The following KANK1 variants were observed in gnomAD, a reference collection of about 807,000 sequenced individuals.
KANK1 encodes the protein KN motif and ankyrin repeat domain-containing protein 1.
Under a neutral mutation model 106.2 loss-of-function variants are expected in KANK1, and 109 were observed. That is an observed-to-expected ratio of 1.03 (90% CI 0.88 to 1.20). KANK1 has a LOEUF of 1.20. Among genes scored for constraint, KANK1 ranks in the 50% most tolerant of loss-of-function variants. The probability of loss-of-function intolerance (pLI) is 0.00; values close to 1 mark genes in which losing one functional copy is unlikely to be tolerated. For missense variants in KANK1, 2,399 were observed against 1,710.7 expected, an observed-to-expected ratio of 1.40 and a Z score of -7.10; for synonymous variants, 873 against 652.2, an observed-to-expected ratio of 1.34 and a Z score of -5.16.
At chr9:636,310 C>G (rs1474692985) in intron 1 of KANK1, among the ~76,000 whole-genome samples, 1 of 152,218 alleles carries the variant, frequency 6.6e-6, no homozygotes, top group Non-Finnish European at 1.5e-5. Context: ...CTTATCCAGA[C>G]TGCTGCCATA....
At chr9:601,840 A>C (rs1248217137) in intron 1 of KANK1, among the ~76,000 whole-genome samples, 1 of 151,794 alleles carries the variant, frequency 6.6e-6, no homozygotes, top group African/African-American at 2.4e-5. Flanking sequence ...TACTTTTGGA[A>C]TCAGTCACTT....
rs74458120 is a variant in KANK1 at position 731,212 on chromosome 9, A to T, written c.2951A>T (p.Asn984Ile). 91 of 1,612,446 alleles carry T rather than the reference A, an allele frequency of 5.6e-5. 1 individual carries two copies. In the Middle Eastern group the frequency reaches 6.4e-3, roughly 114 times the overall value. The change falls in exon 5 of 12, where the codon AAC becomes ATC. Residue 984 changes from asparagine (N) to isoleucine (I), a missense_variant. By Grantham distance (149) the Asn-to-Ile change is moderately radical. Transcript: ENST00000382297. ...TCCATCATGAAGAAGAAAGATGGTAACAAAGATTCAAATGGCGCAAAAAAG... is the reference window on the plus strand; with the variant it reads ...TCCATCATGAAGAAGAAAGATGGTATCAAAGATTCAAATGGCGCAAAAAAG... ...LKSIMKKKDG[N>I]KDSNGAKKNL...
In KANK1 at chr9:635,221, C is replaced by A. The variant is rs573155873; in HGVS notation, c.-83-41669C>A. Among the ~76,000 whole-genome samples, 107 of 152,268 alleles carry A rather than the reference C, an allele frequency of 7.0e-4. 2 individuals are homozygous for A. Among genetic ancestry groups the A allele is most frequent in the African/African-American group, 2.4e-3 (98 of 41,546 alleles). On this transcript the variant is annotated intron_variant, in intron 1 of 11. Transcript: ENST00000382297. The stretch of plus-strand genomic sequence containing the variant: ...GGTGACCCTAAAAAGTCTGTGCCTG[C>A]CTACCACCAAACCTGCTCTCTGCCC...
chr9:640,836 A>G (rs1175061362), intron 1 of KANK1, among the ~76,000 whole-genome samples: 3 of 151,488 alleles, frequency 2.0e-5, no homozygotes, highest in African/African-American at 7.3e-5. Flanking sequence ...AGCTGGACCT[A>G]CATGTGCCCG....
intron 3 of KANK1, chr9:478,073 TG>T: frequency 9.5e-6 from 2 of 210,642 alleles, no homozygotes; most frequent in South Asian, 7.5e-5. Flanking sequence ...CAGACTGAGG[TG>T]GTACTTTCTG....
chr9:507,750 G>C (rs1275760758), intron 1 of KANK1, among the ~76,000 whole-genome samples: 1 of 152,070 alleles, frequency 6.6e-6, no homozygotes, highest in Non-Finnish European at 1.5e-5. Flanking sequence ...TAGAGACAGG[G>C]TTTCACTATG....
chr9:574,251 G>GC (rs1819954848), intron 1 of KANK1, among the ~76,000 whole-genome samples: 1 of 152,230 alleles, frequency 6.6e-6, no homozygotes, highest in Non-Finnish European at 1.5e-5. Flanking sequence ...TGTTGAGTGG[G>GC]CAGGGCCCCA....
rs144933406 is a variant in KANK1, at chr9:658,209, T to C, written c.-83-18681T>C. Among the ~76,000 whole-genome samples, 57 of 152,284 alleles carry C rather than the reference T, an allele frequency of 3.7e-4. No individual in the cohort carries two copies. In the East Asian group the frequency reaches 0.011, roughly 29 times the overall value. ...GCCCAGAGCTGCCTCTCTTTAAAGA[T>C]AGTAAGAAGCCTATGCATAAACAAA... On this transcript the variant is annotated intron_variant, in intron 1 of 11. Transcript: ENST00000382297.
intron 3 of KANK1, among the ~76,000 whole-genome samples, chr9:725,545 AT>A (rs965017154): frequency 2.0e-5 from 3 of 151,672 alleles, no homozygotes; most frequent in Non-Finnish European, 2.9e-5. Context: ...CTTACATTGA[AT>A]TTTTTGCCAG....
intron 1 of KANK1, among the ~76,000 whole-genome samples, chr9:609,941 G>T (rs1012555937): frequency 6.6e-6 from 1 of 152,056 alleles, no homozygotes; most frequent in Admixed American, 6.6e-5. Context: ...TATTTATGTG[G>T]TTTGATTTTT....
intron 1 of KANK1, among the ~76,000 whole-genome samples, chr9:668,867 G>A (rs528470380): frequency 1.3e-4 from 19 of 151,960 alleles, no homozygotes; most frequent in Non-Finnish European, 2.4e-4. Context: ...CATAAGGAAC[G>A]CTCAACCTAG....
At chr9:523,029 C>G (rs1283948031) in intron 1 of KANK1, among the ~76,000 whole-genome samples, 1 of 151,732 alleles carries the variant, frequency 6.6e-6, no homozygotes, top group Non-Finnish European at 1.5e-5. Context: ...TTTCTGTAGA[C>G]ACTCATTCTC....
intron 2 of KANK1, chr9:706,792 G>A: frequency 5.1e-6 from 5 of 985,486 alleles, no homozygotes; most frequent in Non-Finnish European, 6.0e-6. Flanking sequence ...AGAACCCGCA[G>A]AGAACAGTGG....
At chr9:577,767 G>C (rs1820970544) in intron 1 of KANK1, among the ~76,000 whole-genome samples, 1 of 152,198 alleles carries the variant, frequency 6.6e-6, no homozygotes, top group Non-Finnish European at 1.5e-5. Flanking sequence ...AACAAGTCTT[G>C]CAGGTGATTT....
intron 3 of KANK1, among the ~76,000 whole-genome samples, chr9:485,229 T>C (rs1587219878): frequency 6.6e-6 from 1 of 152,164 alleles, no homozygotes; most frequent in East Asian, 1.9e-4. Flanking sequence ...GATCCAGTGA[T>C]AGATAGTGAC....
chr9:738,583 A>C (rs954515383), intron 8 of KANK1, 79 bp downstream of exon 8: 6 of 1,114,948 alleles, frequency 5.4e-6, no homozygotes, highest in Non-Finnish European at 8.2e-6. Flanking sequence ...TGGTTGAGCC[A>C]CTCCTGAATT....
chr9:734,645 G>A lies in KANK1; in HGVS notation c.3246-103G>A, dbSNP rs2005123. 0.032 allele frequency: 23,703 copies of A among 742,164 alleles called. 1,812 individuals carry two copies. Among genetic ancestry groups the A allele is most frequent in the African/African-American group, 0.16 (9,197 of 56,502 alleles). The allele number at this position is 742,164 out of a possible 1,614,324, so 46.0% of individuals were successfully genotyped here. A position where few individuals can be genotyped will look rare whatever the true frequency, so the allele number is the denominator to read the frequency against. The stretch of plus-strand genomic sequence containing the variant: ...CATGCCACTGCACTCCAGCCTGGGC[G>A]ACAGAGCATGACCCTGTCTCAAAAA... On this transcript the variant is annotated intron_variant, in intron 6 of 11. Coordinates refer to ENST00000382297, the MANE Select transcript of KANK1 (RefSeq NM_015158.5).
intron 1 of KANK1, among the ~76,000 whole-genome samples, chr9:574,769 C>T (rs992187365): frequency 6.6e-6 from 1 of 150,494 alleles, no homozygotes; most frequent in Non-Finnish European, 1.5e-5. Context: ...GCAGGAGAAT[C>T]GCTGACCCTG....
chr9:682,746 T>C (rs924991597), intron 2 of KANK1, among the ~76,000 whole-genome samples: 2 of 152,146 alleles, frequency 1.3e-5, no homozygotes, highest in African/African-American at 4.8e-5. Context: ...CTTTAGTAAC[T>C]GTTGTGGGGC....
Sources: allele counts gnomAD v4.1 joint callset (sites outside exome capture counted in the v4.1 genomes callset), GRCh38; gene constraint gnomAD v4.1.1; transcripts MANE v1.5; gene names NCBI Gene and HGNC (gene_info 2026-07-23, HGNC 2026-07-21).